SPINT2: variants seen among roughly 807,000 people sequenced by gnomAD.
The protein encoded by SPINT2 is serine peptidase inhibitor, Kunitz type 2.
A neutral mutation model predicts 30.1 loss-of-function variants in SPINT2; 18 were observed. The observed-to-expected ratio is 0.60, with a 90% CI of 0.41 to 0.89. The LOEUF (loss-of-function observed/expected upper bound fraction) is 0.89. SPINT2 is among the 40% of genes least tolerant of loss of function. The pLI, the probability that SPINT2 is intolerant of heterozygous loss-of-function variation, is 0.00. For synonymous variants in SPINT2, 139 were observed against 137.9 expected (o/e 1.01, Z -0.05); for missense variants, 276 against 334.3 (o/e 0.83, Z 1.36).
chr19:38,287,576 C>A (rs547981118), intron 2 of SPINT2, among the ~76,000 whole-genome samples: 1 of 152,334 alleles, frequency 6.6e-6, no homozygotes, highest in African/African-American at 2.4e-5. Context: ...ATCCACCTGC[C>A]TTGGCCTCCC....
At chr19:38,268,553 G>A (rs1293349764) in intron 1 of SPINT2, among the ~76,000 whole-genome samples, 1 of 152,212 alleles carries the variant, frequency 6.6e-6, no homozygotes, top group Non-Finnish European at 1.5e-5. Context: ...CAGGAGCCGA[G>A]TACCTCTTTC....
intron 1 of SPINT2, 76 bp downstream of exon 1, chr19:38,265,074 G>A (rs1968362038): frequency 8.2e-7 from 1 of 1,223,202 alleles, no homozygotes; most frequent in Admixed American, 2.5e-5. Context: ...TCTGAGCAGG[G>A]AGAACTGGCG....
chr19:38,268,234 G>C (rs1046779152), intron 1 of SPINT2, among the ~76,000 whole-genome samples: 1 of 152,072 alleles, frequency 6.6e-6, no homozygotes, highest in Non-Finnish European at 1.5e-5. Context: ...CAGGTGGACG[G>C]GCCGGACAAA....
Position 38,291,938 on chromosome 19 carries a change from G to A in SPINT2, c.691G>A (p.Ala231Thr), listed in dbSNP as rs1968725904. ...GGTGGCACGGAGGAACCAGGAGCGT[G>A]CCCTGCGCACCGTCTGGAGCTCCGG... ...IRVARRNQER[A>T]LRTVWSSGDD... The change falls in exon 7 of 7, where the codon GCC (alanine) becomes ACC (threonine). Residue 231 changes from alanine to threonine, a missense_variant. By Grantham distance (58) the Ala-to-Thr change is moderately conservative (BLOSUM62 0). Transcript: ENST00000301244. 1 of 1,614,142 alleles carries A rather than the reference G, an allele frequency of 6.2e-7. No individual in the cohort carries two copies. Among genetic ancestry groups the A allele is most frequent in the Non-Finnish European group, 8.5e-7 (1 of 1,180,016 alleles).
At chr19:38,289,007 A>G (rs988027773) in intron 3 of SPINT2, 131 bp from the exon 4 acceptor site, 2 of 817,166 alleles carry the variant, frequency 2.4e-6, no homozygotes, top group East Asian at 2.5e-5. Flanking sequence ...AGAGCCGGCC[A>G]TGGAAGGGGC....
At chr19:38,272,823 G>A (rs545189714) in intron 1 of SPINT2, among the ~76,000 whole-genome samples, 6 of 152,270 alleles carry the variant, frequency 3.9e-5, no homozygotes, top group South Asian at 2.1e-4. Context: ...GGGTTCAAGC[G>A]ATTCTCCTGC....
At position 38,290,800 on chromosome 19, in the gene SPINT2, G is replaced by C; in HGVS notation, c.592+225G>C. The C allele has an allele frequency of 1.5e-6, 1 of 651,726 alleles. No homozygotes were observed. The highest frequency in any genetic ancestry group is 2.7e-6 in the Non-Finnish European group (1 of 369,072). 40.4% of individuals were successfully genotyped at this position (651,726 alleles called of 1,614,324 possible). On this transcript the variant is annotated intron_variant, in intron 6 of 6. Coordinates refer to ENST00000301244, the MANE Select transcript of SPINT2 (RefSeq NM_021102.4). The surrounding 1 kb of genome is among the most constrained non-coding windows in gnomAD (Gnocchi z 4.3). Reference sequence around the variant, plus strand: ...GTCACAAGGCAGGCCCTGCCCAGGCGGCGTGGGTGACTGGGGATGAGGTCT... The same window carrying C: ...GTCACAAGGCAGGCCCTGCCCAGGCCGCGTGGGTGACTGGGGATGAGGTCT...
chr19:38,271,482 ACT>A (rs1185061134), intron 1 of SPINT2, among the ~76,000 whole-genome samples: 1 of 147,062 alleles, frequency 6.8e-6, no homozygotes, highest in Non-Finnish European at 1.5e-5. Context: ...ACAGAGCAAG[ACT>A]CTCTCAAAAA....
chr19:38,280,225 G>A (rs1968565116), intron 1 of SPINT2, among the ~76,000 whole-genome samples: 1 of 152,128 alleles, frequency 6.6e-6, no homozygotes, highest in Non-Finnish European at 1.5e-5. Context: ...AGCGTCTCAG[G>A]GACAGATCGT....
chr19:38,288,214 A>G (rs1968666199), intron 3 of SPINT2, among the ~76,000 whole-genome samples: 1 of 151,760 alleles, frequency 6.6e-6, no homozygotes, highest in Non-Finnish European at 1.5e-5. Flanking sequence ...GCTGCTGCCC[A>G]TGAGGCTCAG....
chr19:38,267,653 G>A (rs1373015244), intron 1 of SPINT2, among the ~76,000 whole-genome samples: 1 of 151,856 alleles, frequency 6.6e-6, no homozygotes, highest in Non-Finnish European at 1.5e-5. Context: ...AGGAAGCGGG[G>A]GGGCGAGGGT....
chr19:38,274,432 C>T (rs8101725), intron 1 of SPINT2, among the ~76,000 whole-genome samples: 60,128 of 151,818 alleles, frequency 0.4, 12,661 homozygotes, highest in East Asian at 0.64. Flanking sequence ...TAGCAAATAA[C>T]TTCTCCTTGG....
chr19:38,269,658 C>T (rs1223562158), intron 1 of SPINT2, among the ~76,000 whole-genome samples: 21 of 140,866 alleles, frequency 1.5e-4, no homozygotes, highest in Middle Eastern at 3.8e-3. Context: ...TCGCCCAGGC[C>T]GGAGTGCAGT....
intron 1 of SPINT2, among the ~76,000 whole-genome samples, chr19:38,267,754 C>A (rs1164292054): frequency 6.6e-6 from 1 of 151,908 alleles, no homozygotes; most frequent in Non-Finnish European, 1.5e-5. Context: ...ATAAGAGCAG[C>A]GGGAGAGGTG....
chr19:38,284,786 C>T (rs763971855), intron 2 of SPINT2, among the ~76,000 whole-genome samples: 6 of 152,152 alleles, frequency 3.9e-5, no homozygotes, highest in East Asian at 1.9e-4. Context: ...CTTGCTCTGT[C>T]GCCCAAGTTG....
chr19:38,281,022 G>C (rs533971226), intron 1 of SPINT2, among the ~76,000 whole-genome samples: 4 of 152,278 alleles, frequency 2.6e-5, no homozygotes, highest in African/African-American at 9.6e-5. Flanking sequence ...CTCTTGCCTT[G>C]ATGCTGTTTT....
intron 1 of SPINT2, among the ~76,000 whole-genome samples, chr19:38,274,735 A>G (rs576242743): frequency 6.6e-6 from 1 of 151,942 alleles, no homozygotes; most frequent in African/African-American, 2.4e-5. Context: ...AGATGACTTG[A>G]ACCCGGGAGG....
intron 1 of SPINT2, among the ~76,000 whole-genome samples, chr19:38,271,705 A>G (rs1968458699): frequency 6.6e-6 from 1 of 151,654 alleles, no homozygotes; most frequent in Non-Finnish European, 1.5e-5. Flanking sequence ...GTGCAGTGGC[A>G]GGCGCCTGGA....
At chr19:38,289,365 TC>T (rs1243553933) in intron 4 of SPINT2, 174 bp downstream of exon 4, 4 of 552,382 alleles carry the variant, frequency 7.2e-6, no homozygotes, top group Non-Finnish European at 1.3e-5. Flanking sequence ...GCACCTGTAG[TC>T]CCAGCTACTC....
Sources: allele counts gnomAD v4.1 joint callset (sites outside exome capture counted in the v4.1 genomes callset), GRCh38; gene constraint gnomAD v4.1.1; non-coding constraint Gnocchi (gnomAD v3.1); transcripts MANE v1.5; gene names NCBI Gene and HGNC (gene_info 2026-07-23, HGNC 2026-07-21).